GRID2: variants seen among roughly 807,000 people sequenced by gnomAD.
GRID2 encodes the protein glutamate ionotropic receptor delta type subunit 2, also known as glutamate receptor ionotropic, delta-2.
A neutral mutation model predicts 114.8 loss-of-function variants in GRID2; 33 were observed. The ratio of observed to expected loss-of-function variants is 0.29; its 90% CI spans 0.22 to 0.38. GRID2 has a LOEUF of 0.38. GRID2 is among the 10% of genes least tolerant of loss of function. GRID2 has a pLI of 1.00. For missense variants in GRID2, 1,184 were observed against 1,257.7 expected (o/e 0.94, Z 0.89); for synonymous variants, 505 against 449.9 (o/e 1.12, Z -1.55).
chr4:93,252,316 T>C (rs1749043549), intron 8 of GRID2, among the ~76,000 whole-genome samples: 1 of 146,222 alleles, frequency 6.8e-6, no homozygotes, highest in Non-Finnish European at 1.5e-5. Context: ...TTTTATTGAA[T>C]AGGGAATCCT....
chr4:93,589,015 A>C (rs546991234), intron 13 of GRID2, among the ~76,000 whole-genome samples: 4 of 150,462 alleles, frequency 2.7e-5, no homozygotes, highest in Admixed American at 1.3e-4. Flanking sequence ...AACGTTCATG[A>C]TTCTGCACTC....
chr4:93,430,431 TCAGCATCCTA>T, intron 10 of GRID2, among the ~76,000 whole-genome samples: 1 of 152,356 alleles, frequency 6.6e-6, no homozygotes, highest in East Asian at 1.9e-4. Context: ...TCTGCCCGCC[TCAGCATCCTA>T]AACTGCTAGA....
rs562576054 is a variant in GRID2 at position 92,955,367 on chromosome 4, T to C, written c.245-129628T>C. ...TGATTTGCATTTCTCTGATGGCCAG[T>C]GATGATGAGCATTTTTTCATGTGTC... On this transcript the variant is annotated intron_variant, in intron 2 of 15. Coordinates refer to ENST00000282020, the MANE Select transcript of GRID2 (RefSeq NM_001510.4). Among the ~76,000 whole-genome samples, 299 of 152,288 alleles carry C rather than the reference T, an allele frequency of 2.0e-3. 3 individuals are homozygous for C. The highest frequency in any genetic ancestry group is 6.9e-3 in the African/African-American group (286 of 41,546).
chr4:93,660,966 A>C (rs546230164), intron 14 of GRID2, among the ~76,000 whole-genome samples: 1 of 151,294 alleles, frequency 6.6e-6, no homozygotes, highest in Non-Finnish European at 1.5e-5. Flanking sequence ...CCACAGGGGG[A>C]AAAAAAAAGC....
chr4:92,947,772 C>A (rs967444470), intron 2 of GRID2, among the ~76,000 whole-genome samples: 5 of 151,538 alleles, frequency 3.3e-5, no homozygotes, highest in Non-Finnish European at 7.4e-5. Context: ...GTATTAGAAA[C>A]AATAAAAGGG....
chr4:93,249,776 A>T, intron 8 of GRID2, among the ~76,000 whole-genome samples: 1 of 152,176 alleles, frequency 6.6e-6, no homozygotes, highest in East Asian at 1.9e-4. Flanking sequence ...TAAAAAAAGC[A>T]AATCAAAACC....
chr4:92,981,054 A>G (rs1471346508), intron 2 of GRID2, among the ~76,000 whole-genome samples: 2 of 152,038 alleles, frequency 1.3e-5, no homozygotes, highest in Non-Finnish European at 2.9e-5. Context: ...AATATAATTC[A>G]TTTCTGTCTC....
intron 2 of GRID2, among the ~76,000 whole-genome samples, chr4:92,693,873 A>G (rs1295745441): frequency 1.3e-5 from 2 of 152,200 alleles, no homozygotes; most frequent in Non-Finnish European, 2.9e-5. Flanking sequence ...AAAATATATG[A>G]TATTACACGT....
chr4:92,925,250 C>CT (rs1447649163), intron 2 of GRID2, among the ~76,000 whole-genome samples: 1 of 151,964 alleles, frequency 6.6e-6, no homozygotes, highest in Non-Finnish European at 1.5e-5. Context: ...CACCATGGGA[C>CT]TTTAAAAAAG....
intron 2 of GRID2, among the ~76,000 whole-genome samples, chr4:93,023,123 GTGTA>G (rs923637980): frequency 2.7e-5 from 4 of 147,118 alleles, no homozygotes; most frequent in Non-Finnish European, 4.5e-5. Flanking sequence ...GTGTGTGTGT[GTGTA>G]TGTATGTGTG....
intron 2 of GRID2, among the ~76,000 whole-genome samples, chr4:92,998,084 G>A (rs1032157294): frequency 6.6e-6 from 1 of 151,628 alleles, no homozygotes; most frequent in Non-Finnish European, 1.5e-5. Flanking sequence ...CCAATCCTAT[G>A]GTTATGTAGA....
intron 4 of GRID2, among the ~76,000 whole-genome samples, chr4:93,187,398 C>A (rs946377734): frequency 3.3e-5 from 5 of 152,044 alleles, no homozygotes; most frequent in African/African-American, 1.2e-4. Flanking sequence ...GCCTCAGCCT[C>A]CCAAGTAGCT....
chr4:93,206,468 C>A (rs571264841), intron 4 of GRID2, among the ~76,000 whole-genome samples: 1 of 151,862 alleles, frequency 6.6e-6, no homozygotes, highest in Non-Finnish European at 1.5e-5. Flanking sequence ...AACAGAATGA[C>A]CTCTTACAAA....
intron 8 of GRID2, among the ~76,000 whole-genome samples, chr4:93,242,666 A>G (rs1227438031): frequency 6.6e-6 from 1 of 151,980 alleles, no homozygotes; most frequent in African/African-American, 2.4e-5. Flanking sequence ...GTATATTAGT[A>G]TGGATTAAGT....
At chr4:92,575,485 C>T (rs535189246) in intron 1 of GRID2, among the ~76,000 whole-genome samples, 96 of 152,156 alleles carry the variant, frequency 6.3e-4, no homozygotes, top group African/African-American at 1.4e-3. Flanking sequence ...GCTGACTTTT[C>T]GATGGGTTTT....
chr4:92,751,668 A>G (rs941161223), intron 2 of GRID2, among the ~76,000 whole-genome samples: 1 of 152,168 alleles, frequency 6.6e-6, no homozygotes, highest in Non-Finnish European at 1.5e-5. Flanking sequence ...TTTGCCTTCA[A>G]TGTCAGACAG....
intron 2 of GRID2, among the ~76,000 whole-genome samples, chr4:92,826,746 A>G (rs1741732237): frequency 6.6e-6 from 1 of 152,148 alleles, no homozygotes; most frequent in Non-Finnish European, 1.5e-5. Context: ...TTTTGTACAA[A>G]ACCTTATATT....
chr4:92,480,450 A>G (rs1049311512), intron 1 of GRID2, among the ~76,000 whole-genome samples: 1 of 152,110 alleles, frequency 6.6e-6, no homozygotes, highest in Non-Finnish European at 1.5e-5. Context: ...ACTCCAGGAA[A>G]ATTATGAAGT....
At chr4:92,641,361 T>C (rs1731339035) in intron 2 of GRID2, among the ~76,000 whole-genome samples, 1 of 151,788 alleles carries the variant, frequency 6.6e-6, no homozygotes, top group African/African-American at 2.4e-5. Flanking sequence ...CATGGCTTAC[T>C]GAAGCCTCGA....
Sources: gnomAD v4.1 joint callset for allele counts (sites outside exome capture counted in the v4.1 genomes callset) on GRCh38, gnomAD v4.1.1 for gene constraint, MANE v1.5 for transcripts, NCBI Gene and HGNC (gene_info 2026-07-23, HGNC 2026-07-21) for gene names.